The following ATAD2B variants were observed in gnomAD, a reference collection of about 807,000 sequenced individuals.
ATAD2B encodes ATPase family AAA domain-containing protein 2B.
A neutral mutation model predicts 167.6 loss-of-function variants in ATAD2B; 40 were observed. That is an observed-to-expected ratio of 0.24 (90% CI 0.19 to 0.31). The LOEUF (loss-of-function observed/expected upper bound fraction) is 0.31, where lower values mean the gene tolerates loss of function less well. Ranked by LOEUF, ATAD2B falls within the 10% of genes least tolerant of loss-of-function variation. The pLI, the probability that ATAD2B is intolerant of heterozygous loss-of-function variation, is 1.00. For missense variants in ATAD2B, 1,242 were observed against 1,757.2 expected, an observed-to-expected ratio of 0.71 and a Z score of 5.24; for synonymous variants, 579 against 596.5, an observed-to-expected ratio of 0.97 and a Z score of 0.43.
At chr2:23,880,602 A>T in intron 7 of ATAD2B, 37 bp downstream of exon 7, 1 of 1,218,012 alleles carries the variant, frequency 8.2e-7, no homozygotes, top group Non-Finnish European at 1.2e-6. Context: ...AAGTTACTCA[A>T]CTACCAGAAA....
downstream of ATAD2B, among the ~76,000 whole-genome samples, chr2:23,747,070 G>GTA (rs920436394): frequency 6.6e-6 from 1 of 152,002 alleles, no homozygotes; most frequent in African/African-American, 2.4e-5. Flanking sequence ...AATGATTAAG[G>GTA]TAAATTTGTG....
chr2:23,795,045 T>C (rs1272281404), intron 19 of ATAD2B, among the ~76,000 whole-genome samples: 4 of 152,140 alleles, frequency 2.6e-5, no homozygotes, highest in African/African-American at 9.7e-5. Flanking sequence ...ATTTTGGGGT[T>C]TTCTTCTATT....
At chr2:23,818,595 T>C (rs180737578) in intron 17 of ATAD2B, among the ~76,000 whole-genome samples, 350 of 152,262 alleles carry the variant, frequency 2.3e-3, no homozygotes, top group African/African-American at 8.2e-3. Flanking sequence ...GAAAGGGTTA[T>C]CAATGCAAAT....
chr2:23,841,387 A>G (rs1690885304), intron 13 of ATAD2B, among the ~76,000 whole-genome samples: 1 of 152,232 alleles, frequency 6.6e-6, no homozygotes, highest in Admixed American at 6.5e-5. Context: ...ATATAATTTT[A>G]CACTATTTAA....
At chr2:23,731,046 C>G in the ATAD2B span, among the ~76,000 whole-genome samples, 45 of 150,564 alleles carry the variant, frequency 3.0e-4, no homozygotes, top group African/African-American at 1.1e-3. Context: ...CAATAGGACT[C>G]GGGGCAATTT....
At chr2:23,820,926 G>A (rs1687351686) in intron 16 of ATAD2B, among the ~76,000 whole-genome samples, 1 of 152,070 alleles carries the variant, frequency 6.6e-6, no homozygotes, top group Non-Finnish European at 1.5e-5. Flanking sequence ...TCCAGCCTTG[G>A]TGACAGAGCC....
chr2:23,744,846 A>G (rs922953610), downstream of ATAD2B, among the ~76,000 whole-genome samples: 3 of 152,266 alleles, frequency 2.0e-5, no homozygotes, highest in African/African-American at 7.2e-5. Context: ...GGTAGAAAGT[A>G]GACTTAAATC....
chr2:23,754,880 G>T, intron 25 of ATAD2B, 106 bp from the exon 26 acceptor site: 1 of 1,170,772 alleles, frequency 8.5e-7, no homozygotes, highest in Non-Finnish European at 1.2e-6. Flanking sequence ...CTTTTGGAAT[G>T]AGGAAGGGTG....
At chr2:23,753,455 G>A (rs2149296463) in intron 27 of ATAD2B, among the ~76,000 whole-genome samples, 1 of 152,204 alleles carries the variant, frequency 6.6e-6, no homozygotes, top group Non-Finnish European at 1.5e-5. Flanking sequence ...TCAACAAAGG[G>A]AGTTGAATTA....
chr2:23,784,262 A>G (rs532121228), intron 21 of ATAD2B, among the ~76,000 whole-genome samples: 1 of 152,214 alleles, frequency 6.6e-6, no homozygotes, highest in East Asian at 1.9e-4. Flanking sequence ...TTTATTTTCT[A>G]AAGTTTTGCT....
intron 13 of ATAD2B, among the ~76,000 whole-genome samples, chr2:23,852,576 A>G (rs1273974726): frequency 6.6e-6 from 1 of 152,200 alleles, no homozygotes; most frequent in South Asian, 2.1e-4. Flanking sequence ...GAAAGACAAT[A>G]TATTATGAGC....
At chr2:23,707,740 A>G in the ATAD2B span, 1 of 152,288 alleles carries the variant, frequency 6.6e-6, no homozygotes, top group South Asian at 2.1e-4. Context: ...ACAGGAGACT[A>G]TTTTTGATAT....
intron 18 of ATAD2B, among the ~76,000 whole-genome samples, chr2:23,803,735 T>C (rs545680479): frequency 1.4e-4 from 21 of 152,286 alleles, no homozygotes; most frequent in South Asian, 4.1e-4. Context: ...TTTTAAAGGA[T>C]AGACATAAAA....
the ATAD2B span, among the ~76,000 whole-genome samples, chr2:23,708,982 GAC>G: frequency 1.3e-5 from 2 of 152,214 alleles, no homozygotes; most frequent in African/African-American, 2.4e-5. Context: ...CCTAAGAGGA[GAC>G]ACAACACACT....
chr2:23,797,065 A>T (rs913762001), intron 19 of ATAD2B, among the ~76,000 whole-genome samples: 4 of 152,136 alleles, frequency 2.6e-5, no homozygotes, highest in Non-Finnish European at 4.4e-5. Context: ...TACAAAAAGC[A>T]GTAAAGTATA....
At chr2:23,707,318 A>G in the ATAD2B span, 2 of 152,176 alleles carry the variant, frequency 1.3e-5, no homozygotes, top group Admixed American at 1.3e-4. Context: ...CTGGAGAAGG[A>G]CAGTGATTGC....
At chr2:23,883,960 A>G (rs1323873700) in intron 6 of ATAD2B, among the ~76,000 whole-genome samples, 1 of 152,120 alleles carries the variant, frequency 6.6e-6, no homozygotes, top group East Asian at 1.9e-4. Context: ...CCTGGCCAAC[A>G]AGGCAAAAAC....
At chr2:23,733,434 T>A in the ATAD2B span, among the ~76,000 whole-genome samples, 175 of 152,366 alleles carry the variant, frequency 1.1e-3, no homozygotes, top group Non-Finnish European at 2.3e-3. Flanking sequence ...AACTTTGCTG[T>A]TTCTCTATTT....
chr2:23,870,131 C>T lies in ATAD2B; in HGVS notation c.978-370G>A, dbSNP rs559754743. 5.3e-5 allele frequency among the ~76,000 whole-genome samples: 8 copies of T among 151,006 alleles called. No homozygotes were observed. The South Asian group carries it at 1.5e-3, about 28-fold the overall frequency. On this transcript the variant is annotated intron_variant, in intron 8 of 27. Coordinates refer to ENST00000238789, the MANE Select transcript of ATAD2B (RefSeq NM_017552.4). ...CTGAGGAAGAAGAATTGCTTGAACC[C>T]GGGAGGCGGAGGTTGCAGTGAGCTG... is the stretch of plus-strand genomic sequence containing the variant.
Sources: gnomAD v4.1 joint callset for allele counts (sites outside exome capture counted in the v4.1 genomes callset) on GRCh38, gnomAD v4.1.1 for gene constraint, MANE v1.5 for transcripts, NCBI Gene and HGNC (gene_info 2026-07-23, HGNC 2026-07-21) for gene names.